The following CDK19 variants were observed in gnomAD, a reference collection of about 807,000 sequenced individuals.
CDK19 encodes cyclin-dependent kinase 19.
In CDK19, 20 loss-of-function variants were observed where a neutral mutation model predicts 68.3. The observed-to-expected ratio is 0.29, with a 90% CI of 0.21 to 0.43. The LOEUF (loss-of-function observed/expected upper bound fraction) is 0.43. Ranked by LOEUF, CDK19 falls within the 20% of genes least tolerant of loss-of-function variation. CDK19 has a pLI of 1.00. For synonymous variants in CDK19, 221 were observed against 222.8 expected (o/e 0.99, Z 0.07); for missense variants, 339 against 623.5 (o/e 0.54, Z 4.86).
intron 1 of CDK19, among the ~76,000 whole-genome samples, chr6:110,793,967 T>C (rs2115080385): frequency 6.6e-6 from 1 of 152,350 alleles, no homozygotes. Context: ...TTGTACAATA[T>C]TGGTTTTTCT....
chr6:110,743,844 G>A (rs754014147), intron 2 of CDK19, among the ~76,000 whole-genome samples: 3 of 151,920 alleles, frequency 2.0e-5, no homozygotes, highest in Non-Finnish European at 2.9e-5. Flanking sequence ...ATTAATTCAT[G>A]GAAGGTAGGG....
chr6:110,778,150 T>C (rs1195259008), intron 1 of CDK19, among the ~76,000 whole-genome samples: 1 of 152,138 alleles, frequency 6.6e-6, no homozygotes, highest in Non-Finnish European at 1.5e-5. Flanking sequence ...GTTATGTTTA[T>C]CACAATTTTT....
intron 1 of CDK19, among the ~76,000 whole-genome samples, chr6:110,749,776 A>AC (rs1778339175): frequency 7.0e-6 from 1 of 143,280 alleles, no homozygotes; most frequent in South Asian, 2.2e-4. Context: ...TGACCACACT[A>AC]TTTTTTTTTT....
chr6:110,687,366 T>G (rs1423156391), intron 2 of CDK19, among the ~76,000 whole-genome samples: 1 of 152,234 alleles, frequency 6.6e-6, no homozygotes, highest in Non-Finnish European at 1.5e-5. Flanking sequence ...CAATGTATTT[T>G]AGATCACTAT....
chr6:110,660,693 A>G (rs1781567298), intron 4 of CDK19, among the ~76,000 whole-genome samples: 1 of 152,194 alleles, frequency 6.6e-6, no homozygotes, highest in Non-Finnish European at 1.5e-5. Flanking sequence ...TACACCATCA[A>G]GCTGTCCTTC....
chr6:110,808,691 C>T (rs920244170), intron 1 of CDK19, among the ~76,000 whole-genome samples: 5 of 152,110 alleles, frequency 3.3e-5, no homozygotes, highest in Admixed American at 6.6e-5. Flanking sequence ...ACTTCATTTA[C>T]TAAGTGTTAA....
At chr6:110,739,025 G>C (rs937781818) in intron 2 of CDK19, among the ~76,000 whole-genome samples, 3 of 152,228 alleles carry the variant, frequency 2.0e-5, no homozygotes, top group African/African-American at 4.8e-5. Context: ...ACTGAGCAGA[G>C]GTGAATGAGG....
At chr6:110,716,215 T>G (rs1242190390) in intron 2 of CDK19, among the ~76,000 whole-genome samples, 2 of 152,254 alleles carry the variant, frequency 1.3e-5, no homozygotes, top group African/African-American at 4.8e-5. Context: ...TGAAGGATGC[T>G]CAAGTATAAG....
chr6:110,728,919 C>T (rs1024775870), intron 2 of CDK19, among the ~76,000 whole-genome samples: 4 of 152,192 alleles, frequency 2.6e-5, no homozygotes, highest in African/African-American at 9.6e-5. Context: ...TTTTCCTTAG[C>T]TCTTATCATC....
intron 2 of CDK19, among the ~76,000 whole-genome samples, chr6:110,741,684 T>C (rs1777682270): frequency 6.6e-6 from 1 of 150,814 alleles, no homozygotes; most frequent in Non-Finnish European, 1.5e-5. Context: ...CCTCTTCATA[T>C]ACAAGGGATT....
At chr6:110,812,213 C>T (rs1381191339) in intron 1 of CDK19, among the ~76,000 whole-genome samples, 1 of 151,904 alleles carries the variant, frequency 6.6e-6, no homozygotes. Context: ...CTCCACCTCC[C>T]GGGTTCACGC....
At chr6:110,675,310 C>T (rs1163851911) in intron 2 of CDK19, among the ~76,000 whole-genome samples, 3 of 152,274 alleles carry the variant, frequency 2.0e-5, no homozygotes, top group South Asian at 2.1e-4. Flanking sequence ...ATTTACCATT[C>T]TGAAAATCCT....
intron 1 of CDK19, among the ~76,000 whole-genome samples, chr6:110,775,357 T>C (rs1172508380): frequency 6.6e-6 from 1 of 152,098 alleles, no homozygotes; most frequent in Admixed American, 6.5e-5. Context: ...GAACCAGAAA[T>C]TATTGGGAAT....
chr6:110,676,566 C>G (rs1771556298), intron 2 of CDK19, among the ~76,000 whole-genome samples: 1 of 152,126 alleles, frequency 6.6e-6, no homozygotes, highest in African/African-American at 2.4e-5. Context: ...TAAGAAATTG[C>G]CACCCCAGCC....
intron 1 of CDK19, among the ~76,000 whole-genome samples, chr6:110,781,798 C>A (rs1184045043): frequency 6.7e-6 from 1 of 148,882 alleles, no homozygotes; most frequent in Non-Finnish European, 1.5e-5. Flanking sequence ...GAGCCAAGAT[C>A]ATGTCACTGC....
chr6:110,814,676 C>T lies in CDK19; in HGVS notation c.128+333G>A, dbSNP rs1257296912. The T allele has an allele frequency of 7.5e-6, 4 of 531,104 alleles. No homozygotes were observed. In the African/African-American group the frequency reaches 7.6e-5, roughly 10 times the overall value. 32.9% of individuals were successfully genotyped at this position (531,104 alleles called of 1,614,324 possible). ...CGGAGCTCTGCCTGCCCGCTGCGTT[C>T]CCCCAAGAGACTAGACCCCACAAAC... is the stretch of plus-strand genomic sequence containing the variant. On this transcript the variant is annotated intron_variant, in intron 1 of 12. Coordinates refer to ENST00000368911, the MANE Select transcript of CDK19 (RefSeq NM_015076.5).
intron 1 of CDK19, among the ~76,000 whole-genome samples, chr6:110,785,422 G>A (rs1398668815): frequency 6.6e-6 from 1 of 152,080 alleles, no homozygotes; most frequent in Admixed American, 6.5e-5. Context: ...CATATATTTT[G>A]TATGTTATTT....
chr6:110,793,757 T>C (rs1461463579), intron 1 of CDK19, among the ~76,000 whole-genome samples: 1 of 152,140 alleles, frequency 6.6e-6, no homozygotes, highest in African/African-American at 2.4e-5. Context: ...CTTTCAGCCT[T>C]TGCCTCTTCC....
chr6:110,612,844 A>C lies in CDK19; in HGVS notation c.*1691T>G, dbSNP rs894045277. ...ATTATTAGTGAGCATTATTATGCTGAGATCAGTAAGGTCCTGGCTGGCTAC... is the reference window on the plus strand; with the variant it reads ...ATTATTAGTGAGCATTATTATGCTGCGATCAGTAAGGTCCTGGCTGGCTAC... On this transcript the variant is annotated 3_prime_UTR_variant, in exon 13 of 13. Transcript: ENST00000368911. 6.6e-6 allele frequency: 1 copy of C among 152,658 alleles called. No homozygotes were observed. Among genetic ancestry groups the C allele is most frequent in the Non-Finnish European group, 1.5e-5 (1 of 68,036 alleles). 9.5% of individuals were successfully genotyped at this position (152,658 alleles called of 1,614,324 possible).
Sources: allele counts gnomAD v4.1 joint callset (sites outside exome capture counted in the v4.1 genomes callset), GRCh38; gene constraint gnomAD v4.1.1; transcripts MANE v1.5; gene names NCBI Gene and HGNC (gene_info 2026-07-23, HGNC 2026-07-21).